VPS13B: variants seen among roughly 807,000 people sequenced by gnomAD.
VPS13B encodes the protein intermembrane lipid transfer protein VPS13B.
A neutral mutation model predicts 426.4 loss-of-function variants in VPS13B; 285 were observed. That is an observed-to-expected ratio of 0.67 (90% CI 0.61 to 0.74). The LOEUF (loss-of-function observed/expected upper bound fraction) is 0.74. Ranked by LOEUF, VPS13B falls within the 30% of genes least tolerant of loss-of-function variation. VPS13B has a pLI of 0.00. For synonymous variants in VPS13B, 1,676 were observed against 1,676.4 expected, an observed-to-expected ratio of 1.00 and a Z score of 0.01; for missense variants, 4,537 against 4,782.6, an observed-to-expected ratio of 0.95 and a Z score of 1.51.
chr8:99,502,010 G>A, intron 26 of VPS13B, 152 bp downstream of exon 26: 2 of 1,036,022 alleles, frequency 1.9e-6, no homozygotes, highest in Admixed American at 4.2e-5. Context: ...TTCTGACAGA[G>A]TTTTGCTCTT....
At chr8:99,652,442 C>A (rs1005502845) in intron 34 of VPS13B, among the ~76,000 whole-genome samples, 15 of 151,922 alleles carry the variant, frequency 9.9e-5, no homozygotes, top group Non-Finnish European at 1.9e-4. Flanking sequence ...TTGTTAATAT[C>A]TTTAAGTGTT....
intron 21 of VPS13B, among the ~76,000 whole-genome samples, chr8:99,397,840 A>G (rs1811513925): frequency 1.3e-5 from 2 of 152,152 alleles, no homozygotes; most frequent in Non-Finnish European, 2.9e-5. Flanking sequence ...CATTTTGTTT[A>G]TATACTCTTG....
intron 19 of VPS13B, among the ~76,000 whole-genome samples, chr8:99,287,221 T>A (rs1352891354): frequency 5.8e-5 from 3 of 51,890 alleles, no homozygotes; most frequent in Admixed American, 2.4e-4. Flanking sequence ...TGTGTGTGTA[T>A]CTATCTGTCT....
intron 22 of VPS13B, among the ~76,000 whole-genome samples, chr8:99,439,552 A>G (rs1817576855): frequency 6.6e-6 from 1 of 152,134 alleles, no homozygotes; most frequent in African/African-American, 2.4e-5. Context: ...TTTCCTGAAG[A>G]GTAACATACA....
Position 99,701,108 on chromosome 8 carries a change from A to C in VPS13B, c.6454+1176A>C, listed in dbSNP as rs145071606. On this transcript the variant is annotated intron_variant, in intron 36 of 61. Coordinates refer to ENST00000357162, the MANE Select transcript of VPS13B (RefSeq NM_152564.5). ...GCCTGAATTTTAGGCCAAAACATAG[A>C]TGATTTATTTCTTTCTCACTAGAAA... 3.4e-4 allele frequency among the ~76,000 whole-genome samples: 52 copies of C among 152,360 alleles called. No homozygotes were observed. The East Asian group carries it at 9.6e-3, about 28-fold the overall frequency.
chr8:99,361,031 A>G (rs1171408691), intron 19 of VPS13B, among the ~76,000 whole-genome samples: 1 of 152,210 alleles, frequency 6.6e-6, no homozygotes, highest in African/African-American at 2.4e-5. Context: ...AGGGGAGACA[A>G]CACTGGGATT....
At chr8:99,194,319 C>T (rs1212448907) in intron 17 of VPS13B, among the ~76,000 whole-genome samples, 3 of 152,164 alleles carry the variant, frequency 2.0e-5, no homozygotes, top group African/African-American at 7.2e-5. Flanking sequence ...CACACACAGA[C>T]ATACATATTT....
chr8:99,801,127 G>A (rs571136012), intron 43 of VPS13B, among the ~76,000 whole-genome samples: 1 of 152,072 alleles, frequency 6.6e-6, no homozygotes, highest in African/African-American at 2.4e-5. Flanking sequence ...TTGATGCTCT[G>A]AGAGGAAATA....
At chr8:99,201,733 A>G (rs867311375) in intron 17 of VPS13B, among the ~76,000 whole-genome samples, 9 of 152,330 alleles carry the variant, frequency 5.9e-5, no homozygotes, top group Middle Eastern at 3.4e-3. Context: ...GATTTTGTGC[A>G]TTGAATTATA....
chr8:99,454,924 T>G (rs1305587357), intron 23 of VPS13B, among the ~76,000 whole-genome samples: 1 of 152,220 alleles, frequency 6.6e-6, no homozygotes, highest in Non-Finnish European at 1.5e-5. Context: ...CTGTATGTCT[T>G]TGATTGAGGG....
At chr8:99,349,072 G>T (rs3134143) in intron 19 of VPS13B, among the ~76,000 whole-genome samples, 117,543 of 150,908 alleles carry the variant, frequency 0.78, 46,431 homozygotes, top group South Asian at 0.89. Context: ...GGTGGCTCAC[G>T]CCTGTAATCC....
intron 31 of VPS13B, among the ~76,000 whole-genome samples, chr8:99,561,458 A>G (rs542801129): frequency 1.3e-5 from 2 of 152,326 alleles, no homozygotes; most frequent in Admixed American, 1.3e-4. Context: ...ATAATGGGTC[A>G]ATTTAAGATT....
At chr8:99,282,469 T>C (rs945085403) in intron 19 of VPS13B, among the ~76,000 whole-genome samples, 1 of 152,194 alleles carries the variant, frequency 6.6e-6, no homozygotes, top group African/African-American at 2.4e-5. Context: ...CACGAACTAC[T>C]CTTAAGACAT....
intron 39 of VPS13B, among the ~76,000 whole-genome samples, chr8:99,721,425 GC>G (rs1833128433): frequency 6.6e-6 from 1 of 152,108 alleles, no homozygotes; most frequent in Non-Finnish European, 1.5e-5. Context: ...CCCATGTAAG[GC>G]TAGAAAGAGA....
intron 34 of VPS13B, among the ~76,000 whole-genome samples, chr8:99,649,622 A>G (rs1829723464): frequency 7.3e-6 from 1 of 137,320 alleles, no homozygotes; most frequent in Admixed American, 8.3e-5. Flanking sequence ...AGTCCCCTCT[A>G]CATACACACA....
chr8:99,405,370 C>T (rs1815267363), intron 21 of VPS13B, among the ~76,000 whole-genome samples: 1 of 152,174 alleles, frequency 6.6e-6, no homozygotes, highest in Non-Finnish European at 1.5e-5. Context: ...TCCTTAGTGT[C>T]TCCCTTTCCT....
intron 57 of VPS13B, among the ~76,000 whole-genome samples, chr8:99,860,129 G>A (rs999976406): frequency 6.6e-6 from 1 of 152,236 alleles, no homozygotes; most frequent in South Asian, 2.1e-4. Flanking sequence ...CAGGAGGCAA[G>A]GAAAACAGGG....
chr8:99,050,133 A>G (rs1395044325), intron 3 of VPS13B, among the ~76,000 whole-genome samples: 4 of 152,032 alleles, frequency 2.6e-5, no homozygotes, highest in Non-Finnish European at 5.9e-5. Flanking sequence ...TGCTGCACCC[A>G]TTAACTCGTA....
chr8:99,717,137 A>G, intron 36 of VPS13B, 34 bp from the exon 37 acceptor site: 2 of 1,564,116 alleles, frequency 1.3e-6, no homozygotes, highest in African/African-American at 1.4e-5. Context: ...TTTGATAAGG[A>G]TGAATTATAT....
Sources: gnomAD v4.1 joint callset for allele counts (sites outside exome capture counted in the v4.1 genomes callset) on GRCh38, gnomAD v4.1.1 for gene constraint, MANE v1.5 for transcripts, NCBI Gene and HGNC (gene_info 2026-07-23, HGNC 2026-07-21) for gene names.